The following OR14I1 variants were observed in gnomAD, a reference collection of about 807,000 sequenced individuals.
OR14I1 encodes the protein olfactory receptor 14I1.
For synonymous variants in OR14I1, 118 were observed against 71.1 expected (o/e 1.66, Z -3.32); for missense variants, 279 against 181.8 (o/e 1.53, Z -3.07).
At chr1:248,688,191 C>T in the OR14I1 span, among the ~76,000 whole-genome samples, 2 of 152,240 alleles carry the variant, frequency 1.3e-5, no homozygotes, top group Non-Finnish European at 2.9e-5. Flanking sequence ...GGACTTCCAG[C>T]TTAAATGCTT....
the OR14I1 span, among the ~76,000 whole-genome samples, chr1:248,700,276 A>G: frequency 6.6e-6 from 1 of 152,248 alleles, no homozygotes; most frequent in Non-Finnish European, 1.5e-5. Context: ...GTAAAAGATC[A>G]TAATTTATTT....
downstream of OR14I1, among the ~76,000 whole-genome samples, chr1:248,679,453 T>C (rs1483827920): frequency 6.6e-6 from 1 of 151,934 alleles, no homozygotes; most frequent in Non-Finnish European, 1.5e-5. Flanking sequence ...TATAGCTATA[T>C]GCTATATTAT....
At chr1:248,689,481 A>G in the OR14I1 span, among the ~76,000 whole-genome samples, 5 of 152,348 alleles carry the variant, frequency 3.3e-5, no homozygotes, top group African/African-American at 9.6e-5. Context: ...AAACAAAGTT[A>G]GAGCTCAAAA....
chr1:248,700,828 G>C, the OR14I1 span, among the ~76,000 whole-genome samples: 1 of 152,042 alleles, frequency 6.6e-6, no homozygotes, highest in African/African-American at 2.4e-5. Context: ...TTATATAAAA[G>C]AGAAGATAGT....
chr1:248,689,503 A>G, the OR14I1 span, among the ~76,000 whole-genome samples: 1 of 152,224 alleles, frequency 6.6e-6, no homozygotes, highest in East Asian at 1.9e-4. Context: ...ATAAATTTGC[A>G]GAGTTTGAAT....
exon 1 of OR14I1, chr1:248,681,479 A>T (rs1266923424): frequency 1.3e-6 from 1 of 781,072 alleles, no homozygotes; most frequent in Non-Finnish European, 2.4e-6. Flanking sequence ...AAAACTGTGT[A>T]TGTCAGAGCA....
At chr1:248,681,306 A>T, downstream of OR14I1, 1 of 598,222 alleles carries the variant, frequency 1.7e-6, no homozygotes, top group Non-Finnish European at 3.0e-6. Context: ...TTTTTTTGTC[A>T]TAAAGTATTT....
chr1:248,698,364 CGT>C, the OR14I1 span, among the ~76,000 whole-genome samples: 1 of 152,172 alleles, frequency 6.6e-6, no homozygotes, highest in African/African-American at 2.4e-5. Flanking sequence ...CAATCACAGT[CGT>C]AGCTTTTTTA....
chr1:248,692,235 G>C, the OR14I1 span: 1 of 152,646 alleles, frequency 6.6e-6, no homozygotes, highest in East Asian at 1.9e-4. Flanking sequence ...GGATGGCTTG[G>C]GGTCCTCCCG....
the OR14I1 span, among the ~76,000 whole-genome samples, chr1:248,687,876 TG>T: frequency 2.0e-5 from 3 of 152,228 alleles, no homozygotes; most frequent in African/African-American, 7.2e-5. Flanking sequence ...TAGATAGACA[TG>T]TAACAGAAAC....
the OR14I1 span, among the ~76,000 whole-genome samples, chr1:248,701,995 G>A: frequency 6.6e-6 from 1 of 152,150 alleles, no homozygotes; most frequent in African/African-American, 2.4e-5. Flanking sequence ...AAGCAGGCAT[G>A]TCTTTCATGG....
the OR14I1 span, among the ~76,000 whole-genome samples, chr1:248,700,175 C>A: frequency 1.3e-5 from 2 of 152,190 alleles, no homozygotes; most frequent in Non-Finnish European, 2.9e-5. Flanking sequence ...GCCTTGCTCC[C>A]GCATTTTTGT....
At chr1:248,686,493 C>G (rs1174033298), upstream of OR14I1, among the ~76,000 whole-genome samples, 1 of 152,156 alleles carries the variant, frequency 6.6e-6, no homozygotes, top group Non-Finnish European at 1.5e-5. Flanking sequence ...CCATGAGCTG[C>G]TTCCACTCTA....
the OR14I1 span, among the ~76,000 whole-genome samples, chr1:248,700,054 C>T: frequency 6.6e-6 from 1 of 152,196 alleles, no homozygotes; most frequent in African/African-American, 2.4e-5. Context: ...GCCACCGCGT[C>T]CGGCCCACTG....
At chr1:248,683,009 C>G (rs947939922), upstream of OR14I1, among the ~76,000 whole-genome samples, 1 of 152,152 alleles carries the variant, frequency 6.6e-6, no homozygotes, top group African/African-American at 2.4e-5. Context: ...ATTATCTCTA[C>G]AGGACACACC....
chr1:248,696,784 A>C, the OR14I1 span, among the ~76,000 whole-genome samples: 1 of 151,858 alleles, frequency 6.6e-6, no homozygotes, highest in African/African-American at 2.4e-5. Context: ...GACATATCAT[A>C]TTTTTTTCTT....
upstream of OR14I1, among the ~76,000 whole-genome samples, chr1:248,683,684 A>G (rs1439224547): frequency 2.0e-5 from 3 of 152,262 alleles, no homozygotes; most frequent in African/African-American, 7.2e-5. Flanking sequence ...AATGCTATAA[A>G]TGATACAGTC....
At chr1:248,695,213 A>G in the OR14I1 span, among the ~76,000 whole-genome samples, 1 of 145,952 alleles carries the variant, frequency 6.9e-6, no homozygotes, top group Non-Finnish European at 1.5e-5. Context: ...TTTACGAATT[A>G]CTTTTGAATG....
the OR14I1 span, among the ~76,000 whole-genome samples, chr1:248,689,280 G>C: frequency 6.6e-6 from 1 of 152,070 alleles, no homozygotes; most frequent in Non-Finnish European, 1.5e-5. Context: ...ACATGTTCTG[G>C]GTCCATGGTT....
Sources: allele counts gnomAD v4.1 joint callset (sites outside exome capture counted in the v4.1 genomes callset), GRCh38; gene constraint gnomAD v4.1.1; transcripts MANE v1.5; gene names NCBI Gene and HGNC (gene_info 2026-07-23, HGNC 2026-07-21).